Variants in RCOR2 observed in about 807,000 individuals in gnomAD.
The protein encoded by RCOR2 is REST corepressor 2.
RCOR2 carries 19 observed loss-of-function variants against 58.9 expected under a neutral mutation model. The observed-to-expected ratio is 0.32, with a 90% CI of 0.23 to 0.47. The LOEUF (loss-of-function observed/expected upper bound fraction) is 0.47. Ranked by LOEUF, RCOR2 falls within the 20% of genes least tolerant of loss-of-function variation. The pLI, the probability that RCOR2 is intolerant of heterozygous loss-of-function variation, is 1.00. For missense variants in RCOR2, 590 were observed against 707.9 expected (o/e 0.83, Z 1.89); for synonymous variants, 286 against 278.7 (o/e 1.03, Z -0.26).
chr11:63,927,668 A>T, the RCOR2 span, among the ~76,000 whole-genome samples: 1 of 152,088 alleles, frequency 6.6e-6, no homozygotes, highest in Non-Finnish European at 1.5e-5. Context: ...GCTGATACAC[A>T]GTGGGTGCTT....
In RCOR2 at chr11:63,914,021, C is replaced by G. The variant is rs150712250; in HGVS notation, c.824G>C (p.Gly275Ala). ...CGTGAGGTTGGCAAGGTCCGGGCTT[C>G]CTGACACTGCCGTGAGGCCTTCAGG... is the stretch of plus-strand genomic sequence containing the variant. ...LSPEGLTAVS[G>A]SPDLANLTLR... is the part of the protein sequence containing the mutation. Residue 275 changes from glycine (G) to alanine (A), a missense_variant, in exon 8 of 12, where the codon GGA becomes GCA. Transcript: ENST00000301459. 3.1e-6 allele frequency: 5 copies of G among 1,613,762 alleles called. No individual in the cohort carries two copies. The highest frequency in any genetic ancestry group is 4.2e-6 in the Non-Finnish European group (5 of 1,179,954).
chr11:63,914,145 C>G lies in RCOR2; in HGVS notation c.700G>C (p.Ala234Pro). The G allele has an allele frequency of 6.2e-7, 1 of 1,613,806 alleles. No individual in the cohort carries two copies. The highest frequency in any genetic ancestry group is 1.3e-5 in the African/African-American group (1 of 75,016). The part of the protein sequence containing the change: ...REPLPSRPLN[A>P]RPGPGKKEVQ... ...TCCTTTTTCCCAGGGCCTGGGCGTG[C>G]ATTCAGGGGCCGAGAGGGTAGAGGC... is the stretch of plus-strand genomic sequence containing the variant. The change falls in exon 8 of 12, where the codon GCA (alanine) becomes CCA (proline). Residue 234 changes from alanine to proline, a missense_variant. By Grantham distance (27) the Ala-to-Pro change is conservative. Transcript: ENST00000301459.
intron 1 of RCOR2, 38 bp from the exon 2 acceptor site, chr11:63,915,649 G>GGGCGGGCGGGAGGGAGGATGT: frequency 1.5e-6 from 2 of 1,348,812 alleles, no homozygotes; most frequent in Non-Finnish European, 2.1e-6. Context: ...ACTCCAGGGA[G>GGGCGGGCGGGAGGGAGGATGT]GGCGGGCGGG....
chr11:63,925,733 G>C, the RCOR2 span, among the ~76,000 whole-genome samples: 1 of 150,770 alleles, frequency 6.6e-6, no homozygotes, highest in Non-Finnish European at 1.5e-5. Context: ...TGGGAGGATC[G>C]CTTGAACCCA....
At chr11:63,917,705 TC>T (rs1407621217), upstream of RCOR2, among the ~76,000 whole-genome samples, 1 of 152,084 alleles carries the variant, frequency 6.6e-6, no homozygotes, top group African/African-American at 2.4e-5. Context: ...GATCTGTGGG[TC>T]CCCAAGGGTC....
chr11:63,926,967 C>T, the RCOR2 span, among the ~76,000 whole-genome samples: 10 of 151,998 alleles, frequency 6.6e-5, no homozygotes, highest in East Asian at 1.9e-3. Context: ...GATTGCTAGG[C>T]GCATGCCACC....
rs376904142 is a variant in RCOR2, at chr11:63,912,890, C to T, written c.949G>A (p.Asp317Asn). The T allele has an allele frequency of 6.8e-5, 110 of 1,613,690 alleles. No individual in the cohort carries two copies. Among genetic ancestry groups the T allele is most frequent in the Non-Finnish European group, 8.4e-5 (99 of 1,179,938 alleles). The change falls in exon 9 of 12, where the codon GAT becomes AAT. Residue 317 changes from aspartate to asparagine, a missense_variant. By Grantham distance (23) the Asp-to-Asn change is conservative. This residue lies in a region of RCOR2 where 390 missense variants were observed against 478.7 expected (regional missense o/e 0.81). Coordinates refer to ENST00000301459, the MANE Select transcript of RCOR2 (RefSeq NM_173587.4). ...CATACCTCCGGGGGGCGTAGTGGAT[C>T]AATACCGCCCTCCAGGGCTTGGCGC... ...SLRQALEGGI[D>N]PLRPPEANTK...
chr11:63,922,029 T>C (rs889947540), upstream of RCOR2, among the ~76,000 whole-genome samples: 2 of 152,180 alleles, frequency 1.3e-5, no homozygotes, highest in African/African-American at 4.8e-5. Context: ...GGGTTAGTTA[T>C]TGAGGGAGTG....
the RCOR2 span, among the ~76,000 whole-genome samples, chr11:63,926,780 T>TA: frequency 1.4e-4 from 3 of 21,956 alleles, no homozygotes; most frequent in Non-Finnish European, 1.1e-3. Context: ...GCCTGGCCTG[T>TA]TTTTTTTTTT....
upstream of RCOR2, among the ~76,000 whole-genome samples, chr11:63,918,944 G>C (rs1407539347): frequency 6.6e-6 from 1 of 152,156 alleles, no homozygotes; most frequent in Non-Finnish European, 1.5e-5. Context: ...CCAGCCACTG[G>C]ATTCCCTCCG....
chr11:63,921,224 C>A (rs925824706), upstream of RCOR2, among the ~76,000 whole-genome samples: 9 of 152,150 alleles, frequency 5.9e-5, no homozygotes, highest in African/African-American at 2.2e-4. Flanking sequence ...TTGGTTTCTC[C>A]GGAAACTGGG....
At position 63,916,936 on chromosome 11, in the gene RCOR2, C is replaced by CCGTCT. The variant is rs1357202009; in HGVS notation, c.-481_-480insAGACG. The CCGTCT allele has an allele frequency of 6.6e-6, 1 of 150,942 alleles. No homozygotes were observed. The highest frequency in any genetic ancestry group is 1.5e-5 in the Non-Finnish European group (1 of 67,480). 9.4% of individuals were successfully genotyped at this position (150,942 alleles called of 1,614,324 possible). Reference sequence around the variant, plus strand: ...GGCGGGGACCCGTGTCCTAAGCAGACCCCTGCCCGCGACGGCAGCCGGCCG... The same window carrying CCGTCT: ...GGCGGGGACCCGTGTCCTAAGCAGACCGTCTCCCTGCCCGCGACGGCAGCCGGCCG... On this transcript the variant is annotated 5_prime_UTR_variant, in exon 1 of 12. Coordinates refer to ENST00000301459, the MANE Select transcript of RCOR2 (RefSeq NM_173587.4).
At chr11:63,917,580 C>CT (rs1404200373), upstream of RCOR2, among the ~76,000 whole-genome samples, 4 of 152,170 alleles carry the variant, frequency 2.6e-5, no homozygotes, top group Admixed American at 2.0e-4. Flanking sequence ...CCCGCCCCCC[C>CT]TTCCGCAGGG....
At chr11:63,915,421 C>T in intron 2 of RCOR2, 134 bp downstream of exon 2, 1 of 1,163,488 alleles carries the variant, frequency 8.6e-7, no homozygotes. Flanking sequence ...GGAAAGCAAA[C>T]CATGCTGGGG....
Position 63,915,630 on chromosome 11 carries a change from G to T in RCOR2, c.128-19C>A. On this transcript the variant is annotated intron_variant, in intron 1 of 11. Transcript: ENST00000301459. ...ATGCTGTCTGTGGAGCCAGGGGGAG[G>T]CAGTCAGGACTCCAGGGAGGGCGGG... 1.2e-6 allele frequency: 1 copy of T among 855,700 alleles called. No homozygotes were observed. 53.0% of individuals were successfully genotyped at this position (855,700 alleles called of 1,614,324 possible). A position where few individuals can be genotyped will look rare whatever the true frequency, so the allele number is the denominator to read the frequency against.
Position 63,912,138 on chromosome 11 carries a change from C to G in RCOR2, c.1299G>C (p.Val433=). 1.3e-6 allele frequency: 2 copies of G among 1,522,290 alleles called. No individual in the cohort carries two copies. Among genetic ancestry groups the G allele is most frequent in the Non-Finnish European group, 1.8e-6 (2 of 1,140,510 alleles). 94.3% of individuals were successfully genotyped at this position (1,522,290 alleles called of 1,614,324 possible). The stretch of plus-strand genomic sequence containing the variant: ...GTGGAGGGGGTGGTGGCGCAGGGGG[C>G]ACTGATCGGGGCACGGACGTGGAGA... The part of the protein sequence containing the change: ...TSVSTSVPRS[V]PPAPPPPPPP... Residue 433 remains valine, a synonymous_variant, in exon 12 of 12, where the codon GTG becomes GTC. Coordinates refer to ENST00000301459, the MANE Select transcript of RCOR2 (RefSeq NM_173587.4).
chr11:63,911,807 C>T lies in RCOR2; in HGVS notation c.*58G>A. On this transcript the variant is annotated 3_prime_UTR_variant, in exon 12 of 12. Coordinates refer to ENST00000301459, the MANE Select transcript of RCOR2 (RefSeq NM_173587.4). ...TCTGTCCTCAGTGACACCAGAGATG[C>T]CTGGGGATGGCCAGCAAAGGGGTCC... is the stretch of plus-strand genomic sequence containing the variant. 6.8e-7 allele frequency: 1 copy of T among 1,472,722 alleles called. No homozygotes were observed. The highest frequency in any genetic ancestry group is 1.4e-5 in the South Asian group (1 of 71,726). 91.2% of individuals were successfully genotyped at this position (1,472,722 alleles called of 1,614,324 possible). A position where few individuals can be genotyped will look rare whatever the true frequency, so the allele number is the denominator to read the frequency against.
Position 63,911,667 on chromosome 11 carries a change from G to A in RCOR2, c.*198C>T. Reference sequence around the variant, plus strand: ...GCCAGCTCAAAGGCCCCTGAGCCCGGCCATGGCCCCAGGAGACAGGCCCAG... The same window carrying A: ...GCCAGCTCAAAGGCCCCTGAGCCCGACCATGGCCCCAGGAGACAGGCCCAG... On this transcript the variant is annotated 3_prime_UTR_variant, in exon 12 of 12. Transcript: ENST00000301459. 3.5e-6 allele frequency: 3 copies of A among 856,470 alleles called. No homozygotes were observed. Among genetic ancestry groups the A allele is most frequent in the Non-Finnish European group, 4.9e-6 (3 of 615,770 alleles). The allele number at this position is 856,470 out of a possible 1,614,324, so 53.1% of individuals were successfully genotyped here.
At chr11:63,913,178 A>AT (rs1213473089) in intron 8 of RCOR2, among the ~76,000 whole-genome samples, 104 of 114,956 alleles carry the variant, frequency 9.0e-4, no homozygotes, top group African/African-American at 3.7e-3. Flanking sequence ...ATATATATAT[A>AT]TATATATTTT....
Sources: allele counts gnomAD v4.1 joint callset (sites outside exome capture counted in the v4.1 genomes callset), GRCh38; gene constraint gnomAD v4.1.1; regional missense constraint gnomAD v4.1.1; transcripts MANE v1.5; gene names NCBI Gene and HGNC (gene_info 2026-07-23, HGNC 2026-07-21).